RRP12: variants seen among roughly 807,000 people sequenced by gnomAD.
RRP12 encodes RRP12-like protein.
Under a neutral mutation model 157.3 loss-of-function variants are expected in RRP12, and 78 were observed. The observed-to-expected ratio is 0.50, with a 90% CI of 0.41 to 0.60. The LOEUF (loss-of-function observed/expected upper bound fraction) is 0.60, where lower values mean the gene tolerates loss of function less well. RRP12 is among the 20% of genes least tolerant of loss of function. The pLI, the probability that RRP12 is intolerant of heterozygous loss-of-function variation, is 0.00. For missense variants in RRP12, 1,521 were observed against 1,679.9 expected (o/e 0.91, Z 1.65); for synonymous variants, 726 against 670.9 (o/e 1.08, Z -1.27).
In RRP12 at chr10:97,400,442, G is replaced by A; in HGVS notation, c.232C>T (p.Pro78Ser). The A allele has an allele frequency of 6.2e-7, 1 of 1,614,112 alleles. No individual in the cohort carries two copies. The highest frequency in any genetic ancestry group is 8.5e-7 in the Non-Finnish European group (1 of 1,180,020). Residue 78 changes from proline (P) to serine (S), a missense_variant, in exon 2 of 34, where the codon CCC becomes TCC. Pro to Ser is a moderately conservative substitution (Grantham distance 74). Coordinates refer to ENST00000370992, the MANE Select transcript of RRP12 (RefSeq NM_015179.4). ...RLGKSEAPETPMEEEAELVLT... is the reference protein window; with the variant it reads ...RLGKSEAPETSMEEEAELVLT... Reference sequence around the variant, plus strand: ...ACCAGCTCCGCCTCTTCTTCCATGGGCGTCTCCGGGGCTTCGCTTTTGCCC... The same window carrying A: ...ACCAGCTCCGCCTCTTCTTCCATGGACGTCTCCGGGGCTTCGCTTTTGCCC...
rs1010811419 is a variant in RRP12, at chr10:97,381,289, C to A, written c.1418+97G>T. 23 of 887,674 alleles carry A rather than the reference C, an allele frequency of 2.6e-5. No homozygotes were observed. The Middle Eastern group carries it at 9.0e-4, about 35-fold the overall frequency. 55.0% of individuals were successfully genotyped at this position (887,674 alleles called of 1,614,324 possible). On this transcript the variant is annotated intron_variant, in intron 12 of 33. Transcript: ENST00000370992. Reference sequence around the variant, plus strand: ...TCCCGTAAAGCACTGCCACTGCAGGCCTGGCCCACAGTAGGTGGAGAGTGG... The same window carrying A: ...TCCCGTAAAGCACTGCCACTGCAGGACTGGCCCACAGTAGGTGGAGAGTGG...
rs370146748 is a variant in RRP12, at chr10:97,360,561, G to T, written c.3625C>A (p.Pro1209Thr). The change falls in exon 31 of 34, where the codon CCC (proline) becomes ACC (threonine). Residue 1209 changes from proline (P) to threonine (T), a missense_variant. Transcript: ENST00000370992. ...KEAEEEELEI[P>T]PQYQAGGSGI... Reference sequence around the variant, plus strand: ...GAAGCCTCACCTTGGTACTGAGGGGGTATCTCCAGCTCCTCCTCCTCAGCC... The same window carrying T: ...GAAGCCTCACCTTGGTACTGAGGGGTTATCTCCAGCTCCTCCTCCTCAGCC... The T allele has an allele frequency of 1.7e-5, 28 of 1,613,444 alleles. No individual in the cohort carries two copies. The highest frequency in any genetic ancestry group is 2.7e-5 in the African/African-American group (2 of 74,896).
intron 32 of RRP12, 56 bp downstream of exon 32, chr10:97,358,887 C>G: frequency 7.0e-7 from 1 of 1,436,090 alleles, no homozygotes; most frequent in Non-Finnish European, 9.8e-7. Flanking sequence ...CCTCCTTGCC[C>G]CTCCCTGGCA....
At chr10:97,360,672 C>T (rs561150917) in intron 30 of RRP12, 54 bp from the exon 31 acceptor site, 49 of 1,359,368 alleles carry the variant, frequency 3.6e-5, no homozygotes, top group Admixed American at 2.8e-4. Flanking sequence ...TGCCCACCCT[C>T]GGGAATGCCA....
At chr10:97,392,438 A>T (rs1267212415) in intron 4 of RRP12, among the ~76,000 whole-genome samples, 2 of 152,134 alleles carry the variant, frequency 1.3e-5, no homozygotes, top group Non-Finnish European at 2.9e-5. Flanking sequence ...CAACCTCCAC[A>T]TTCTGTGTTC....
chr10:97,393,595 T>A, intron 4 of RRP12, 89 bp downstream of exon 4: 1 of 1,048,252 alleles, frequency 9.5e-7, no homozygotes, highest in Non-Finnish European at 1.5e-6. Flanking sequence ...TCTTTTTAAA[T>A]AACAATTCCC....
intron 33 of RRP12, among the ~76,000 whole-genome samples, chr10:97,358,133 G>A (rs529402862): frequency 1.3e-5 from 2 of 152,082 alleles, no homozygotes; most frequent in South Asian, 4.1e-4. Flanking sequence ...AAGAGATCGA[G>A]ACCATCCCAG....
chr10:97,397,149 T>G (rs763611098), intron 2 of RRP12, among the ~76,000 whole-genome samples: 69 of 151,742 alleles, frequency 4.5e-4, no homozygotes, highest in Non-Finnish European at 8.8e-4. Context: ...ATACTGTATT[T>G]TTGTTGTTGT....
intron 6 of RRP12, among the ~76,000 whole-genome samples, chr10:97,389,866 C>G (rs1440187971): frequency 6.6e-6 from 1 of 152,118 alleles, no homozygotes; most frequent in Admixed American, 6.6e-5. Context: ...GCACCCACCA[C>G]CACACCTGGC....
At chr10:97,357,533 C>T (rs1002098761) in intron 33 of RRP12, among the ~76,000 whole-genome samples, 4 of 152,204 alleles carry the variant, frequency 2.6e-5, no homozygotes, top group African/African-American at 9.7e-5. Context: ...AACTTTACAA[C>T]ACCATTTCCC....
At chr10:97,364,431 G>A (rs936382561) in intron 29 of RRP12, among the ~76,000 whole-genome samples, 4 of 152,264 alleles carry the variant, frequency 2.6e-5, no homozygotes, top group Admixed American at 6.5e-5. Context: ...TAGAGAGCAC[G>A]TGACCGGCCA....
Position 97,373,603 on chromosome 10 carries a change from G to A in RRP12, c.1998C>T (p.Arg666=), listed in dbSNP as rs761051842. The change falls in exon 17 of 34, where the codon CGC becomes CGT. Residue 666 remains arginine, a synonymous_variant. Transcript: ENST00000370992. ...DLRVTVCQAL[R]TLITKGCQAE... ...CCTGGCAGCCCTTGGTGATGAGGGTGCGCAGGGCCTGGCACACGGTGACCC... is the reference window on the plus strand; with the variant it reads ...CCTGGCAGCCCTTGGTGATGAGGGTACGCAGGGCCTGGCACACGGTGACCC... 4 of 1,609,616 alleles carry A rather than the reference G, an allele frequency of 2.5e-6. No homozygotes were observed. Among genetic ancestry groups the A allele is most frequent in the Admixed American group, 3.3e-5 (2 of 59,806 alleles).
chr10:97,378,247 G>A (rs1040911308), intron 15 of RRP12, among the ~76,000 whole-genome samples: 65 of 152,082 alleles, frequency 4.3e-4, no homozygotes, highest in Non-Finnish European at 7.4e-5. Context: ...GACAGGGTGC[G>A]TTCTGAAAAA....
chr10:97,372,687 C>T (rs1564754398), intron 19 of RRP12, 49 bp downstream of exon 19: 1 of 1,469,010 alleles, frequency 6.8e-7, no homozygotes, highest in East Asian at 2.5e-5. Context: ...ATGCACCCTC[C>T]AGCTCCCTGG....
chr10:97,383,165 C>T (rs1474509835), intron 10 of RRP12, among the ~76,000 whole-genome samples: 5 of 152,162 alleles, frequency 3.3e-5, no homozygotes, highest in South Asian at 2.1e-4. Flanking sequence ...ACCTAGAGTA[C>T]GATGATAAGC....
At chr10:97,365,565 G>A (rs1356995959) in intron 29 of RRP12, among the ~76,000 whole-genome samples, 1 of 152,028 alleles carries the variant, frequency 6.6e-6, no homozygotes, top group East Asian at 1.9e-4. Flanking sequence ...GAGCCACCAC[G>A]CCTGGCGAAG....
chr10:97,377,187 C>T (rs947234042), intron 15 of RRP12, among the ~76,000 whole-genome samples: 19 of 151,854 alleles, frequency 1.3e-4, no homozygotes, highest in Non-Finnish European at 2.2e-4. Flanking sequence ...GCCCACGGTA[C>T]GTATGATTTC....
intron 2 of RRP12, among the ~76,000 whole-genome samples, chr10:97,396,659 G>T (rs771293702): frequency 2.0e-5 from 3 of 152,162 alleles, no homozygotes; most frequent in Non-Finnish European, 4.4e-5. Context: ...AGTTATCGAG[G>T]GGGGGATTGG....
chr10:97,398,774 T>C (rs77868302), intron 2 of RRP12, among the ~76,000 whole-genome samples: 8,294 of 152,194 alleles, frequency 0.054, 288 homozygotes, highest in Non-Finnish European at 0.063. Flanking sequence ...AATCTACTTG[T>C]ACAACCATAA....
Sources: allele counts gnomAD v4.1 joint callset (sites outside exome capture counted in the v4.1 genomes callset), GRCh38; gene constraint gnomAD v4.1.1; transcripts MANE v1.5; gene names NCBI Gene and HGNC (gene_info 2026-07-23, HGNC 2026-07-21).